The following CTNNA2 variants were observed in gnomAD, a reference collection of about 807,000 sequenced individuals.
The protein encoded by CTNNA2 is catenin alpha-2.
A neutral mutation model predicts 101.0 loss-of-function variants in CTNNA2; 42 were observed. That is an observed-to-expected ratio of 0.42 (90% confidence interval 0.32 to 0.54). CTNNA2 has a LOEUF of 0.54. Among genes scored for constraint, CTNNA2 ranks in the 20% least tolerant of loss-of-function variants. The probability of loss-of-function intolerance (pLI) is 0.14; values close to 1 mark genes in which losing one functional copy is unlikely to be tolerated. For synonymous variants in CTNNA2, 450 were observed against 456.4 expected (o/e 0.99, Z 0.18); for missense variants, 871 against 1,223.1 (o/e 0.71, Z 4.29).
intron 4 of CTNNA2, among the ~76,000 whole-genome samples, chr2:79,484,316 G>T (rs555921493): frequency 6.6e-6 from 1 of 152,128 alleles, no homozygotes; most frequent in East Asian, 1.9e-4. Context: ...AGAACGAGTG[G>T]CTGATATAGC....
At chr2:79,964,487 C>G (rs765060329) in intron 7 of CTNNA2, among the ~76,000 whole-genome samples, 1 of 151,544 alleles carries the variant, frequency 6.6e-6, no homozygotes, top group Non-Finnish European at 1.5e-5. Flanking sequence ...AAAAAGAAGT[C>G]TTTATGAAAT....
At chr2:79,702,079 A>G (rs1349044557) in intron 2 of CTNNA2, among the ~76,000 whole-genome samples, 1 of 151,702 alleles carries the variant, frequency 6.6e-6, no homozygotes, top group Non-Finnish European at 1.5e-5. Flanking sequence ...CCTGATACCC[A>G]AAATAAGCAT....
At chr2:80,312,191 T>A (rs1363975122) in intron 7 of CTNNA2, among the ~76,000 whole-genome samples, 5 of 152,246 alleles carry the variant, frequency 3.3e-5, no homozygotes, top group Admixed American at 3.3e-4. Flanking sequence ...GATGGAACAA[T>A]GGCCAGAGCA....
chr2:79,285,739 G>T (rs1410185687), intron 2 of CTNNA2, among the ~76,000 whole-genome samples: 1 of 140,932 alleles, frequency 7.1e-6, no homozygotes, highest in African/African-American at 2.8e-5. Flanking sequence ...TGTTGATTTG[G>T]GGTGGAGAGT....
chr2:80,508,519 T>C (rs1688452319), intron 9 of CTNNA2, among the ~76,000 whole-genome samples: 2 of 152,022 alleles, frequency 1.3e-5, no homozygotes, highest in Admixed American at 6.6e-5. Context: ...AAAGTTATTG[T>C]TGTTCTTGTT....
chr2:79,335,004 T>C (rs772517675), intron 3 of CTNNA2, among the ~76,000 whole-genome samples: 2 of 152,140 alleles, frequency 1.3e-5, no homozygotes, highest in African/African-American at 2.4e-5. Context: ...CCACCGCCCA[T>C]GCACACACAT....
At position 80,335,402 on chromosome 2, in the gene CTNNA2, C is replaced by A. The variant is rs552734890; in HGVS notation, c.1057-57809C>A. On this transcript the variant is annotated intron_variant, in intron 7 of 18. Coordinates refer to ENST00000402739, the MANE Select transcript of CTNNA2 (RefSeq NM_001282597.3). ...AAAGAGGAGTGAGGAGGAAGGCCTA[C>A]CTTCAGACTGGCCCCAAATGCCTTA... Among the ~76,000 whole-genome samples, 3 of 152,276 alleles carry A rather than the reference C, an allele frequency of 2.0e-5. 1 individual carries two copies. In the South Asian group the frequency reaches 6.2e-4, roughly 32 times the overall value.
intron 2 of CTNNA2, among the ~76,000 whole-genome samples, chr2:79,202,123 A>G (rs1558571872): frequency 6.6e-6 from 1 of 152,154 alleles, no homozygotes; most frequent in Non-Finnish European, 1.5e-5. Flanking sequence ...TTTTACATAA[A>G]TGATTAGCAG....
chr2:79,419,653 T>G (rs1168728044), intron 4 of CTNNA2, among the ~76,000 whole-genome samples: 1 of 152,198 alleles, frequency 6.6e-6, no homozygotes. Flanking sequence ...AATAAATCCA[T>G]ATCTTTGGGG....
chr2:79,527,141 C>T (rs1031179942), intron 1 of CTNNA2, among the ~76,000 whole-genome samples: 1 of 151,684 alleles, frequency 6.6e-6, no homozygotes, highest in Non-Finnish European at 1.5e-5. Flanking sequence ...TATAAAGAAC[C>T]ATATAAAGAA....
chr2:79,708,219 G>T (rs555654504), intron 2 of CTNNA2, among the ~76,000 whole-genome samples: 21 of 152,284 alleles, frequency 1.4e-4, no homozygotes, highest in Non-Finnish European at 2.5e-4. Context: ...TCTTGCCCCA[G>T]TAGTTCAAGT....
At chr2:79,478,571 A>G (rs900552297) in intron 4 of CTNNA2, among the ~76,000 whole-genome samples, 1 of 152,198 alleles carries the variant, frequency 6.6e-6, no homozygotes, top group African/African-American at 2.4e-5. Flanking sequence ...ATGGCAGCTT[A>G]TGTTACTTAC....
At position 79,929,121 on chromosome 2, in the gene CTNNA2, T is replaced by C. The variant is rs539358233; in HGVS notation, c.1056+19324T>C. 7.2e-4 allele frequency among the ~76,000 whole-genome samples: 110 copies of C among 152,266 alleles called. 1 individual carries two copies. Among genetic ancestry groups the C allele is most frequent in the Admixed American group, 4.3e-3 (65 of 15,280 alleles). On this transcript the variant is annotated intron_variant, in intron 7 of 18. Coordinates refer to ENST00000402739, the MANE Select transcript of CTNNA2 (RefSeq NM_001282597.3). Reference sequence around the variant, plus strand: ...GGGGCTCCAGCAAAGACTTTCCACGTTTTTAATGTCTTTCTGGGTAGCTTT... The same window carrying C: ...GGGGCTCCAGCAAAGACTTTCCACGCTTTTAATGTCTTTCTGGGTAGCTTT...
intron 8 of CTNNA2, among the ~76,000 whole-genome samples, chr2:80,407,019 G>T (rs943755550): frequency 6.6e-6 from 1 of 151,836 alleles, no homozygotes; most frequent in Non-Finnish European, 1.5e-5. Flanking sequence ...GTCCAGTCCA[G>T]GTCAGAACAC....
At chr2:80,631,515 T>C (rs951590990) in intron 18 of CTNNA2, among the ~76,000 whole-genome samples, 1 of 152,154 alleles carries the variant, frequency 6.6e-6, no homozygotes, top group Admixed American at 6.6e-5. Context: ...GGCTCTTTGT[T>C]GGACCAAAGA....
intron 7 of CTNNA2, among the ~76,000 whole-genome samples, chr2:80,107,827 G>A (rs371400491): frequency 2.0e-5 from 3 of 152,186 alleles, no homozygotes; most frequent in African/African-American, 7.2e-5. Flanking sequence ...CACCACCATG[G>A]GGCCTGCATG....
At chr2:79,656,824 G>T (rs1291573652) in intron 2 of CTNNA2, among the ~76,000 whole-genome samples, 1 of 151,714 alleles carries the variant, frequency 6.6e-6, no homozygotes, top group East Asian at 1.9e-4. Flanking sequence ...AATTTATTAG[G>T]CAACTTTATT....
intron 8 of CTNNA2, among the ~76,000 whole-genome samples, chr2:80,415,128 C>A (rs1235427621): frequency 6.6e-6 from 1 of 152,196 alleles, no homozygotes; most frequent in East Asian, 1.9e-4. Context: ...AGCAGAATTA[C>A]ATTTCTTAAT....
intron 12 of CTNNA2, among the ~76,000 whole-genome samples, chr2:80,565,775 C>T (rs1203287974): frequency 6.6e-6 from 1 of 152,018 alleles, no homozygotes; most frequent in East Asian, 1.9e-4. Context: ...ACTCGATTCC[C>T]GATTCCCGGT....
Sources: gnomAD v4.1 joint callset for allele counts (sites outside exome capture counted in the v4.1 genomes callset) on GRCh38, gnomAD v4.1.1 for gene constraint, MANE v1.5 for transcripts, NCBI Gene and HGNC (gene_info 2026-07-23, HGNC 2026-07-21) for gene names.